The following ZNF451 variants were observed in gnomAD, a reference collection of about 807,000 sequenced individuals.
The protein encoded by ZNF451 is zinc finger protein 451.
A neutral mutation model predicts 107.1 loss-of-function variants in ZNF451; 80 were observed. The ratio of observed to expected loss-of-function variants is 0.75; its 90% CI spans 0.62 to 0.90. The LOEUF is 0.90. Among genes scored for constraint, ZNF451 ranks in the 40% least tolerant of loss-of-function variants. The probability of loss-of-function intolerance (pLI) is 0.00; values close to 1 mark genes in which losing one functional copy is unlikely to be tolerated. For missense variants in ZNF451, 1,107 were observed against 1,236.2 expected (o/e 0.90, Z 1.57); for synonymous variants, 362 against 406.5 (o/e 0.89, Z 1.32).
intron 3 of ZNF451, chr6:57,100,979 A>G: frequency 6.4e-7 from 1 of 1,551,014 alleles, no homozygotes; most frequent in Non-Finnish European, 8.7e-7. Flanking sequence ...CTCCAGACAC[A>G]AGTAGCTGAA....
At chr6:57,102,163 A>G (rs1268564140) in intron 3 of ZNF451, 6 of 1,444,650 alleles carry the variant, frequency 4.2e-6, no homozygotes, top group Non-Finnish European at 5.4e-6. Flanking sequence ...TCCTCCTTGT[A>G]CAAATAGGAT....
chr6:57,104,723 A>G (rs887068088), intron 3 of ZNF451: 1 of 985,350 alleles, frequency 1.0e-6, no homozygotes, highest in Non-Finnish European at 1.2e-6. Context: ...TATTTGTAAG[A>G]TGATGTTGCT....
In ZNF451 at chr6:57,153,867, C is replaced by A; in HGVS notation, c.2890C>A (p.Arg964Ser). ...GCCATTTGTTCTAACTTAGGCTGGC[C>A]GTCTAGATGAACAACTACCCAAGCA... ...ADFAICMHAG[R>S]LDEQLPKQIP... The change falls in exon 13 of 15, where the codon CGT (arginine) becomes AGT (serine). Residue 964 changes from arginine (R) to serine (S), a missense_variant. Physicochemically the swap from Arg to Ser is moderately radical, Grantham distance 110. This residue lies in a region of ZNF451 where 151 missense variants were observed against 173.3 expected (regional missense o/e 0.87). Coordinates refer to ENST00000370706, the MANE Select transcript of ZNF451 (RefSeq NM_001031623.3). The A allele has an allele frequency of 6.2e-7, 1 of 1,613,980 alleles. No homozygotes were observed. Among genetic ancestry groups the A allele is most frequent in the Non-Finnish European group, 8.5e-7 (1 of 1,180,020 alleles).
chr6:57,103,921 T>G (rs1424418302), intron 3 of ZNF451: 1 of 985,248 alleles, frequency 1.0e-6, no homozygotes, highest in East Asian at 1.1e-4. Flanking sequence ...GCTACAGAGG[T>G]TGATGGCGTA....
intron 7 of ZNF451, among the ~76,000 whole-genome samples, chr6:57,140,877 T>C (rs1424466857): frequency 6.6e-6 from 1 of 152,214 alleles, no homozygotes; most frequent in East Asian, 1.9e-4. Context: ...CCCTTATTTC[T>C]ATGTGTCTTT....
chr6:57,150,613 A>C, intron 10 of ZNF451, 106 bp from the exon 11 acceptor site: 2 of 1,114,400 alleles, frequency 1.8e-6, no homozygotes, highest in Non-Finnish European at 1.3e-6. Context: ...GTAACATTCA[A>C]GGTTAGTATT....
intron 3 of ZNF451, chr6:57,107,465 T>C (rs1050387488): frequency 3.0e-6 from 3 of 985,290 alleles, no homozygotes; most frequent in African/African-American, 1.7e-5. Flanking sequence ...AATCAACTTT[T>C]AGTGCTACCT....
chr6:57,120,382 T>C (rs548087254), intron 3 of ZNF451, among the ~76,000 whole-genome samples: 2 of 152,354 alleles, frequency 1.3e-5, no homozygotes, highest in South Asian at 4.1e-4. Flanking sequence ...TGTAAACAGC[T>C]GTGTGCAGGT....
At chr6:57,102,493 G>A in intron 3 of ZNF451, 1 of 993,282 alleles carries the variant, frequency 1.0e-6, no homozygotes, top group Non-Finnish European at 1.2e-6. Flanking sequence ...AATACTAGAT[G>A]TCTGTTTACT....
chr6:57,107,270 T>G, intron 3 of ZNF451: 1 of 985,390 alleles, frequency 1.0e-6, no homozygotes, highest in Non-Finnish European at 1.2e-6. Flanking sequence ...ATCGCTTTGA[T>G]GTAGATGATA....
rs1764003033 is a variant in ZNF451, at chr6:57,168,526, C to A, written c.*57C>A. On this transcript the variant is annotated 3_prime_UTR_variant, in exon 15 of 15. Coordinates refer to ENST00000370706, the MANE Select transcript of ZNF451 (RefSeq NM_001031623.3). ...CTTGAAGAGACTGAGATAACGAATT[C>A]TTGAGTTTGTTTTCTAAAGGAGACC... is the stretch of plus-strand genomic sequence containing the variant. 1.4e-6 allele frequency: 2 copies of A among 1,404,690 alleles called. No individual in the cohort carries two copies. Among genetic ancestry groups the A allele is most frequent in the Admixed American group, 3.8e-5 (2 of 53,000 alleles). 87.0% of individuals were successfully genotyped at this position (1,404,690 alleles called of 1,614,324 possible).
At chr6:57,113,620 A>AATT (rs1329403098) in intron 3 of ZNF451, among the ~76,000 whole-genome samples, 4 of 137,234 alleles carry the variant, frequency 2.9e-5, no homozygotes, top group African/African-American at 1.1e-4. Flanking sequence ...AGAAAAAAAA[A>AATT]TTTTTTTTTT....
rs1380285351 is a variant in ZNF451, at chr6:57,098,923, G to T, written c.106-138G>T. The T allele has an allele frequency of 6.9e-6, 4 of 581,538 alleles. No individual in the cohort carries two copies. The East Asian group carries it at 1.1e-4, about 16-fold the overall frequency. 36.0% of individuals were successfully genotyped at this position (581,538 alleles called of 1,614,324 possible). The stretch of plus-strand genomic sequence containing the variant: ...ATTTTCCTCTGCTGCTTTTGTTCTG[G>T]TTATTTTCTGCTACCCACAAAGCTC... On this transcript the variant is annotated intron_variant, in intron 2 of 14. Coordinates refer to ENST00000370706, the MANE Select transcript of ZNF451 (RefSeq NM_001031623.3).
intron 3 of ZNF451, among the ~76,000 whole-genome samples, chr6:57,119,724 T>A (rs960442585): frequency 2.0e-5 from 3 of 152,156 alleles, no homozygotes; most frequent in African/African-American, 7.2e-5. Context: ...TGTTTCAATC[T>A]GTGAACCTCC....
At chr6:57,163,435 A>AATTTTTT (rs1562631987) in intron 14 of ZNF451, among the ~76,000 whole-genome samples, 1 of 50,874 alleles carries the variant, frequency 2.0e-5, no homozygotes, top group Non-Finnish European at 4.6e-5. Flanking sequence ...AAATGAATAA[A>AATTTTTT]CTTTTTTTTT....
In ZNF451 at chr6:57,147,260, A is replaced by C. The variant is rs1289823912; in HGVS notation, c.1175A>C (p.Asn392Thr). The change falls in exon 10 of 15, where the codon AAC becomes ACC. Residue 392 changes from asparagine (N) to threonine (T), a missense_variant. Transcript: ENST00000370706. ...TCAGGACACAAAGTCCGAGTCATTA[A>C]CTCAGTGGAAGAATCAGTCTTACTC... is the stretch of plus-strand genomic sequence containing the variant. ...QNSGHKVRVI[N>T]SVEESVLLYC... The C allele has an allele frequency of 6.2e-7, 1 of 1,614,056 alleles. No homozygotes were observed. The highest frequency in any genetic ancestry group is 1.7e-5 in the Admixed American group (1 of 59,998).
At chr6:57,143,779 T>TA (rs992070681) in intron 9 of ZNF451, among the ~76,000 whole-genome samples, 1 of 152,138 alleles carries the variant, frequency 6.6e-6, no homozygotes, top group Admixed American at 6.6e-5. Flanking sequence ...TTCATAATAG[T>TA]AAAAAAATGG....
Position 57,152,230 on chromosome 6 carries a change from C to G in ZNF451, c.2762C>G (p.Thr921Ser), listed in dbSNP as rs140191429. The G allele has an allele frequency of 6.2e-7, 1 of 1,609,404 alleles. No individual in the cohort carries two copies. The highest frequency in any genetic ancestry group is 1.7e-5 in the Admixed American group (1 of 59,400). The change falls in exon 12 of 15, where the codon ACC becomes AGC. Residue 921 changes from threonine (T) to serine (S), a missense_variant. Coordinates refer to ENST00000370706, the MANE Select transcript of ZNF451 (RefSeq NM_001031623.3). Reference sequence around the variant, plus strand: ...TTTCTAAAATTAATAGGAGGAAACACCAATTGGAAGCCTCCGCTCAACTGT... The same window carrying G: ...TTTCTAAAATTAATAGGAGGAAACAGCAATTGGAAGCCTCCGCTCAACTGT... ...TFIWGFQGGN[T>S]NWKPPLNCKI...
chr6:57,118,243 T>C (rs906392899), intron 3 of ZNF451, among the ~76,000 whole-genome samples: 1 of 152,062 alleles, frequency 6.6e-6, no homozygotes, highest in Non-Finnish European at 1.5e-5. Context: ...TAAACAGTAA[T>C]TTATACCTTG....
Sources: gnomAD v4.1 joint callset for allele counts (sites outside exome capture counted in the v4.1 genomes callset) on GRCh38, gnomAD v4.1.1 for gene constraint, gnomAD v4.1.1 regional missense constraint, MANE v1.5 for transcripts, NCBI Gene and HGNC (gene_info 2026-07-23, HGNC 2026-07-21) for gene names.